Variants in RAP1A observed in about 807,000 individuals in gnomAD.
RAP1A encodes ras-related protein Rap-1A.
RAP1A carries 6 observed loss-of-function variants against 26.4 expected under a neutral mutation model. The ratio of observed to expected loss-of-function variants is 0.23; its 90% CI spans 0.12 to 0.45. RAP1A has a LOEUF of 0.45. Among genes scored for constraint, RAP1A ranks in the 20% least tolerant of loss-of-function variants. The pLI is 0.99. For synonymous variants in RAP1A, 73 were observed against 79.4 expected, an observed-to-expected ratio of 0.92 and a Z score of 0.43; for missense variants, 121 against 217.2, an observed-to-expected ratio of 0.56 and a Z score of 2.78.
intron 1 of RAP1A, among the ~76,000 whole-genome samples, chr1:111,664,386 AAAAAAAAAAAAAC>A (rs1180638983): frequency 2.0e-5 from 3 of 151,312 alleles, no homozygotes; most frequent in African/African-American, 7.3e-5. Flanking sequence ...AAAAAAAAAA[AAAAAAAAAAAAAC>A]AAAAAACAAA....
chr1:111,648,206 T>TGTGTGTA (rs773470455), intron 1 of RAP1A: 3,292 of 142,156 alleles, frequency 0.023, 32 homozygotes, highest in African/African-American at 0.072. Context: ...TGTGTGTGTA[T>TGTGTGTA]TTTTTTTTTT....
At chr1:111,638,034 C>G (rs1360878385) in intron 1 of RAP1A, among the ~76,000 whole-genome samples, 1 of 151,690 alleles carries the variant, frequency 6.6e-6, no homozygotes, top group African/African-American at 2.4e-5. Context: ...CTAGCCTTTT[C>G]CTGTATATAT....
upstream of RAP1A, chr1:111,542,136 G>A: frequency 7.3e-6 from 2 of 273,034 alleles, no homozygotes; most frequent in Non-Finnish European, 1.5e-5. Flanking sequence ...TATGTACAAA[G>A]AACTATCATG....
At chr1:111,618,954 A>C (rs76509717), upstream of RAP1A, among the ~76,000 whole-genome samples, 1,806 of 152,332 alleles carry the variant, frequency 0.012, 36 homozygotes, top group African/African-American at 0.041. Flanking sequence ...ACACATCAGC[A>C]AGACTAACTT....
intron 1 of RAP1A, among the ~76,000 whole-genome samples, chr1:111,633,924 A>T (rs921559353): frequency 1.2e-4 from 18 of 152,234 alleles, no homozygotes; most frequent in Non-Finnish European, 2.9e-5. Context: ...CCATCTGCCT[A>T]CATGGGTACA....
intron 1 of RAP1A, among the ~76,000 whole-genome samples, chr1:111,685,019 A>G (rs1433670235): frequency 1.3e-5 from 2 of 152,202 alleles, no homozygotes; most frequent in South Asian, 2.1e-4. Context: ...CCTAACAAAA[A>G]CAAGCAATGG....
At chr1:111,598,544 T>C (rs1449802420) in intron 1 of RAP1A, among the ~76,000 whole-genome samples, 1 of 152,014 alleles carries the variant, frequency 6.6e-6, no homozygotes, top group African/African-American at 2.4e-5. Flanking sequence ...GGACCAACCA[T>C]CCCAAGCCTA....
At chr1:111,617,041 T>C (rs1659026453), upstream of RAP1A, among the ~76,000 whole-genome samples, 1 of 152,080 alleles carries the variant, frequency 6.6e-6, no homozygotes, top group Non-Finnish European at 1.5e-5. Context: ...TGTGTGTGTA[T>C]GCGCATGTGT....
chr1:111,697,210 A>G (rs1054587686), intron 3 of RAP1A, among the ~76,000 whole-genome samples: 1 of 152,192 alleles, frequency 6.6e-6, no homozygotes, highest in Non-Finnish European at 1.5e-5. Flanking sequence ...TACAGAGGTC[A>G]GAAAATATCT....
upstream of RAP1A, among the ~76,000 whole-genome samples, chr1:111,616,554 A>C (rs1262217858): frequency 6.6e-6 from 1 of 152,132 alleles, no homozygotes; most frequent in Non-Finnish European, 1.5e-5. Flanking sequence ...CTCTCAAACT[A>C]CTTCTCACAG....
chr1:111,704,744 G>A (rs747416298), intron 6 of RAP1A, among the ~76,000 whole-genome samples: 3 of 152,148 alleles, frequency 2.0e-5, no homozygotes, highest in Non-Finnish European at 4.4e-5. Flanking sequence ...ATCCTGCTAA[G>A]CCTCTAAGTG....
chr1:111,548,043 C>T (rs2101031914), intron 1 of RAP1A, among the ~76,000 whole-genome samples: 1 of 152,312 alleles, frequency 6.6e-6, no homozygotes, highest in African/African-American at 2.4e-5. Context: ...TCTTTTGAGA[C>T]AGAGCCACAC....
rs929940804 is a variant in RAP1A, at chr1:111,619,812, C to A, written c.-150C>A. Reference sequence around the variant, plus strand: ...CCGCCGCCGCTCCCGAGGCCCCTGCCGCCGCCGCTCCCGCTGCTGTCGCCG... The same window carrying A: ...CCGCCGCCGCTCCCGAGGCCCCTGCAGCCGCCGCTCCCGCTGCTGTCGCCG... On this transcript the variant is annotated 5_prime_UTR_variant, in exon 1 of 8. Coordinates refer to ENST00000369709, the MANE Select transcript of RAP1A (RefSeq NM_002884.4). 1.0e-5 allele frequency: 4 copies of A among 399,172 alleles called. No homozygotes were observed. Among genetic ancestry groups the A allele is most frequent in the Middle Eastern group, 6.2e-4 (1 of 1,614 alleles). The allele number at this position is 399,172 out of a possible 1,614,324, so 24.7% of individuals were successfully genotyped here.
chr1:111,614,949 T>C (rs1285621518), upstream of RAP1A, among the ~76,000 whole-genome samples: 1 of 152,148 alleles, frequency 6.6e-6, no homozygotes, highest in Non-Finnish European at 1.5e-5. Flanking sequence ...GAATAGGAAC[T>C]ATGGGACTTC....
intron 3 of RAP1A, among the ~76,000 whole-genome samples, chr1:111,696,832 A>T (rs1315870548): frequency 6.6e-6 from 1 of 152,094 alleles, no homozygotes; most frequent in Admixed American, 6.5e-5. Context: ...ATAAAATTTC[A>T]CCTTTCACAT....
At chr1:111,641,543 GAGTTCAAAT>G (rs960627676) in intron 1 of RAP1A, among the ~76,000 whole-genome samples, 2 of 152,110 alleles carry the variant, frequency 1.3e-5, no homozygotes, top group Non-Finnish European at 2.9e-5. Context: ...CTCAGCTTCA[GAGTTCAAAT>G]ATGGTTTGCG....
upstream of RAP1A, among the ~76,000 whole-genome samples, chr1:111,615,188 G>A (rs1658992408): frequency 6.6e-6 from 1 of 151,938 alleles, no homozygotes; most frequent in Non-Finnish European, 1.5e-5. Flanking sequence ...TACACAATTG[G>A]GCAAGTGCCA....
chr1:111,577,521 T>C (rs1288733168), intron 1 of RAP1A, among the ~76,000 whole-genome samples: 1 of 151,480 alleles, frequency 6.6e-6, no homozygotes, highest in African/African-American at 2.4e-5. Context: ...GTATATTAAG[T>C]GGTCAAGATG....
At chr1:111,703,589 A>AAG (rs1406912847) in intron 5 of RAP1A, 113 bp downstream of exon 5, 14 of 1,062,028 alleles carry the variant, frequency 1.3e-5, no homozygotes, top group Non-Finnish European at 1.8e-5. Flanking sequence ...ACATGCCTGA[A>AAG]AGAGCCCCTG....
Sources: gnomAD v4.1 joint callset for allele counts (sites outside exome capture counted in the v4.1 genomes callset) on GRCh38, gnomAD v4.1.1 for gene constraint, MANE v1.5 for transcripts, NCBI Gene and HGNC (gene_info 2026-07-23, HGNC 2026-07-21) for gene names.